Variants in HLF observed in about 807,000 individuals in gnomAD.
The protein encoded by HLF is hepatic leukemia factor.
Under a neutral mutation model 22.6 loss-of-function variants are expected in HLF, and 3 were observed. The observed-to-expected ratio is 0.13, with a 90% confidence interval of 0.06 to 0.34. HLF has a LOEUF of 0.34. Among genes scored for constraint, HLF ranks in the 10% least tolerant of loss-of-function variants. The probability of loss-of-function intolerance (pLI) is 1.00; values close to 1 mark genes in which losing one functional copy is unlikely to be tolerated. For synonymous variants in HLF, 151 were observed against 151.8 expected (o/e 0.99, Z 0.04); for missense variants, 299 against 389.2 (o/e 0.77, Z 1.95).
intron 1 of HLF, 132 bp downstream of exon 1, chr17:55,265,731 G>T: frequency 1.8e-6 from 2 of 1,138,490 alleles, no homozygotes; most frequent in Non-Finnish European, 2.3e-6. Flanking sequence ...GCCCCGCGCT[G>T]ATGAAATTGA....
chr17:55,300,692 C>T (rs2081149184), intron 2 of HLF, among the ~76,000 whole-genome samples: 2 of 152,194 alleles, frequency 1.3e-5, no homozygotes, highest in African/African-American at 4.8e-5. Flanking sequence ...ATGTTGCCCC[C>T]ATCTCATTAA....
rs886898427 is a variant in HLF at position 55,324,275 on chromosome 17, A to T, written c.*3396A>T. The T allele has an allele frequency of 8.8e-5, 20 of 226,970 alleles. No individual in the cohort carries two copies. Among genetic ancestry groups the T allele is most frequent in the Admixed American group, 7.4e-4 (13 of 17,578 alleles). 14.1% of individuals were successfully genotyped at this position (226,970 alleles called of 1,614,324 possible). ...CTAGACCACCCAGAGGTTCCTTCTAACCCACTGGTTTGGTGGGGAACTCAC... is the reference window on the plus strand; with the variant it reads ...CTAGACCACCCAGAGGTTCCTTCTATCCCACTGGTTTGGTGGGGAACTCAC... On this transcript the variant is annotated 3_prime_UTR_variant, in exon 4 of 4. Transcript: ENST00000226067.
intron 2 of HLF, among the ~76,000 whole-genome samples, chr17:55,268,506 G>A (rs544673160): frequency 6.6e-6 from 1 of 152,276 alleles, no homozygotes; most frequent in African/African-American, 2.4e-5. Flanking sequence ...ATAACAGGTA[G>A]ACTCTCAATA....
chr17:55,281,450 T>C (rs2080955207), intron 2 of HLF, among the ~76,000 whole-genome samples: 1 of 152,154 alleles, frequency 6.6e-6, no homozygotes, highest in Non-Finnish European at 1.5e-5. Flanking sequence ...GAGGCGGAGA[T>C]TGCAGTGAGC....
intron 2 of HLF, 62 bp downstream of exon 2, chr17:55,268,148 G>A (rs2080813788): frequency 2.5e-6 from 3 of 1,220,218 alleles, no homozygotes; most frequent in Non-Finnish European, 2.3e-6. Flanking sequence ...GACAGGCAAG[G>A]TAGAGTTAGC....
chr17:55,308,153 G>A (rs147145706), intron 2 of HLF, among the ~76,000 whole-genome samples: 37 of 152,304 alleles, frequency 2.4e-4, no homozygotes, highest in African/African-American at 8.7e-4. Context: ...TGACCCACAC[G>A]GGTCTGCATG....
intron 2 of HLF, among the ~76,000 whole-genome samples, chr17:55,276,410 T>C (rs993516487): frequency 1.3e-5 from 2 of 152,004 alleles, no homozygotes; most frequent in African/African-American, 4.8e-5. Context: ...GAAAGATTAA[T>C]CAAGAAAATG....
At chr17:55,295,427 G>A (rs777444285) in intron 2 of HLF, among the ~76,000 whole-genome samples, 4 of 152,184 alleles carry the variant, frequency 2.6e-5, no homozygotes, top group Admixed American at 1.3e-4. Flanking sequence ...AATTTAAAAC[G>A]TTTATTTATG....
intron 2 of HLF, among the ~76,000 whole-genome samples, chr17:55,314,665 T>TGGCAC (rs1268898485): frequency 6.6e-6 from 1 of 152,234 alleles, no homozygotes; most frequent in African/African-American, 2.4e-5. Flanking sequence ...TGTCTTGTCT[T>TGGCAC]GGCACCTAGA....
At chr17:55,280,606 T>C (rs1401243270) in intron 2 of HLF, among the ~76,000 whole-genome samples, 2 of 152,248 alleles carry the variant, frequency 1.3e-5, no homozygotes, top group African/African-American at 2.4e-5. Flanking sequence ...TTCTTCTTTT[T>C]ACCCTTGGTG....
At chr17:55,280,287 A>G (rs1433843537) in intron 2 of HLF, among the ~76,000 whole-genome samples, 3 of 152,240 alleles carry the variant, frequency 2.0e-5, no homozygotes, top group Non-Finnish European at 4.4e-5. Flanking sequence ...GAAGAGATAC[A>G]GCAGGTGAGC....
intron 2 of HLF, among the ~76,000 whole-genome samples, chr17:55,313,207 G>A (rs2145367918): frequency 6.6e-6 from 1 of 152,296 alleles, no homozygotes; most frequent in East Asian, 1.9e-4. Context: ...ATGAATGAAT[G>A]TCAGAGTCCA....
intron 2 of HLF, among the ~76,000 whole-genome samples, chr17:55,269,701 T>C (rs938529040): frequency 1.3e-5 from 2 of 152,292 alleles, no homozygotes. Flanking sequence ...ATGAGTCTTC[T>C]ATTTGTGGAA....
intron 2 of HLF, 120 bp downstream of exon 2, chr17:55,268,206 CCTT>C (rs2080814657): frequency 8.9e-6 from 6 of 670,810 alleles, no homozygotes; most frequent in South Asian, 2.2e-5. Context: ...AAGAGAGGTA[CCTT>C]CTTCTGCTCC....
intron 2 of HLF, among the ~76,000 whole-genome samples, chr17:55,292,826 T>G (rs2081076421): frequency 6.6e-6 from 1 of 152,220 alleles, no homozygotes; most frequent in South Asian, 2.1e-4. Context: ...AGAATGAAAT[T>G]CTATCACTTG....
chr17:55,296,923 A>G (rs1191053609), intron 2 of HLF, among the ~76,000 whole-genome samples: 1 of 152,122 alleles, frequency 6.6e-6, no homozygotes, highest in Non-Finnish European at 1.5e-5. Flanking sequence ...GTACTTTTAC[A>G]GAGCTCCACA....
At chr17:55,300,923 A>G (rs947929037) in intron 2 of HLF, among the ~76,000 whole-genome samples, 1 of 152,220 alleles carries the variant, frequency 6.6e-6, no homozygotes, top group Non-Finnish European at 1.5e-5. Flanking sequence ...CTCAATGCTT[A>G]CCACTCTTCT....
At chr17:55,285,672 G>A (rs1242332893) in intron 2 of HLF, among the ~76,000 whole-genome samples, 1 of 152,170 alleles carries the variant, frequency 6.6e-6, no homozygotes, top group Admixed American at 6.5e-5. Flanking sequence ...AGAGAAATGT[G>A]TTCCTTTGGT....
intron 2 of HLF, among the ~76,000 whole-genome samples, chr17:55,270,816 G>A (rs1392252707): frequency 6.6e-6 from 1 of 151,990 alleles, no homozygotes; most frequent in Non-Finnish European, 1.5e-5. Context: ...GCTAATTTTT[G>A]TATTTTTAGT....
Sources: gnomAD v4.1 joint callset for allele counts (sites outside exome capture counted in the v4.1 genomes callset) on GRCh38, gnomAD v4.1.1 for gene constraint, MANE v1.5 for transcripts, NCBI Gene and HGNC (gene_info 2026-07-23, HGNC 2026-07-21) for gene names.